GMDS: variants seen among roughly 807,000 people sequenced by gnomAD.
GMDS encodes GDP-mannose 4,6 dehydratase.
Under a neutral mutation model 49.9 loss-of-function variants are expected in GMDS, and 20 were observed. The observed-to-expected ratio is 0.40, with a 90% CI of 0.28 to 0.58. The LOEUF is 0.58. Among genes scored for constraint, GMDS ranks in the 20% least tolerant of loss-of-function variants. The pLI is 0.42. For synonymous variants in GMDS, 177 were observed against 178.6 expected, an observed-to-expected ratio of 0.99 and a Z score of 0.07; for missense variants, 362 against 481.4, an observed-to-expected ratio of 0.75 and a Z score of 2.32.
At chr6:1,802,889 A>G (rs1770006367) in intron 7 of GMDS, among the ~76,000 whole-genome samples, 1 of 152,120 alleles carries the variant, frequency 6.6e-6, no homozygotes, top group Non-Finnish European at 1.5e-5. Flanking sequence ...CAGCTCCTAC[A>G]TTTCTTGTGC....
At chr6:1,896,583 G>A (rs1760203683) in intron 7 of GMDS, among the ~76,000 whole-genome samples, 1 of 152,126 alleles carries the variant, frequency 6.6e-6, no homozygotes, top group Admixed American at 6.5e-5. Context: ...GAGGAGAGGG[G>A]GTGTCAGGTG....
chr6:2,102,748 GAA>G (rs1773997816), intron 4 of GMDS, among the ~76,000 whole-genome samples: 1 of 152,122 alleles, frequency 6.6e-6, no homozygotes, highest in South Asian at 2.1e-4. Context: ...GACCTATAAA[GAA>G]ATGTTTATGT....
chr6:2,100,306 T>C (rs1773848320), intron 4 of GMDS, among the ~76,000 whole-genome samples: 2 of 152,070 alleles, frequency 1.3e-5, no homozygotes, highest in Admixed American at 1.3e-4. Flanking sequence ...AGTGAAATCG[T>C]CATTCCATGT....
intron 7 of GMDS, among the ~76,000 whole-genome samples, chr6:1,924,490 T>C (rs1761892785): frequency 6.6e-6 from 1 of 152,188 alleles, no homozygotes; most frequent in African/African-American, 2.4e-5. Flanking sequence ...GCAAGGGGCC[T>C]TTTTTGTGGG....
chr6:2,145,809 C>G (rs140391579), intron 1 of GMDS, among the ~76,000 whole-genome samples: 59 of 152,270 alleles, frequency 3.9e-4, no homozygotes, highest in African/African-American at 1.3e-3. Context: ...AAGAGGATGC[C>G]TTGGGCCCAG....
chr6:1,839,315 A>G (rs1757056175), intron 7 of GMDS, among the ~76,000 whole-genome samples: 1 of 152,128 alleles, frequency 6.6e-6, no homozygotes, highest in Admixed American at 6.5e-5. Context: ...TAGTATGGTA[A>G]TCTGTAACTG....
intron 4 of GMDS, among the ~76,000 whole-genome samples, chr6:1,979,596 A>T (rs1440816679): frequency 6.6e-6 from 1 of 152,234 alleles, no homozygotes; most frequent in African/African-American, 2.4e-5. Flanking sequence ...ATATGGGGAG[A>T]ATGGAACCAA....
chr6:1,764,589 G>T (rs1447987809), intron 7 of GMDS, among the ~76,000 whole-genome samples: 4 of 152,144 alleles, frequency 2.6e-5, no homozygotes. Context: ...TGTTATAAAT[G>T]ATAATATTAT....
At chr6:1,712,861 G>A (rs1001959181) in intron 9 of GMDS, among the ~76,000 whole-genome samples, 6 of 152,188 alleles carry the variant, frequency 3.9e-5, no homozygotes, top group African/African-American at 1.4e-4. Flanking sequence ...TTCAATAGAG[G>A]TTGTTAGCAG....
intron 4 of GMDS, among the ~76,000 whole-genome samples, chr6:2,097,658 T>C (rs1773686487): frequency 6.6e-6 from 1 of 151,946 alleles, no homozygotes; most frequent in Non-Finnish European, 1.5e-5. Flanking sequence ...TGTCATACTT[T>C]GACAAAGCAA....
intron 4 of GMDS, among the ~76,000 whole-genome samples, chr6:2,025,357 GGTGTGT>G (rs200096039): frequency 0.4 from 54,079 of 136,240 alleles, 10,725 homozygotes; most frequent in East Asian, 0.5. Flanking sequence ...CTGATGGTGG[GGTGTGT>G]GTGTGTGTGT....
chr6:2,150,472 G>A (rs1391849706), intron 1 of GMDS, among the ~76,000 whole-genome samples: 1 of 152,128 alleles, frequency 6.6e-6, no homozygotes, highest in African/African-American at 2.4e-5. Flanking sequence ...CCACTAACAC[G>A]AAACTATCTC....
intron 9 of GMDS, among the ~76,000 whole-genome samples, chr6:1,711,126 G>C (rs1371390770): frequency 6.6e-6 from 1 of 152,198 alleles, no homozygotes; most frequent in African/African-American, 2.4e-5. Flanking sequence ...GGGGGAATCA[G>C]CTTTTATCTA....
intron 4 of GMDS, among the ~76,000 whole-genome samples, chr6:2,066,764 C>T: frequency 6.6e-6 from 1 of 152,072 alleles, no homozygotes; most frequent in Non-Finnish European, 1.5e-5. Context: ...ATTCATAAAG[C>T]AAGTCCTGAG....
intron 9 of GMDS, among the ~76,000 whole-genome samples, chr6:1,689,976 C>T (rs923672258): frequency 2.6e-5 from 4 of 151,888 alleles, no homozygotes; most frequent in African/African-American, 9.7e-5. Context: ...AACTGGGTAC[C>T]CATCTGTAAT....
chr6:1,716,787 G>A (rs1329728406), intron 9 of GMDS, among the ~76,000 whole-genome samples: 2 of 152,014 alleles, frequency 1.3e-5, no homozygotes, highest in Non-Finnish European at 2.9e-5. Context: ...CTTACACCCC[G>A]TCCCCCAACT....
chr6:1,971,009 G>C (rs2127321733), intron 4 of GMDS, among the ~76,000 whole-genome samples: 1 of 152,138 alleles, frequency 6.6e-6, no homozygotes, highest in Non-Finnish European at 1.5e-5. Context: ...TAGGGACTGG[G>C]GGAGTGGGGG....
chr6:2,055,647 C>A (rs1178810355), intron 4 of GMDS, among the ~76,000 whole-genome samples: 19 of 152,078 alleles, frequency 1.2e-4, no homozygotes, highest in Admixed American at 1.2e-3. Flanking sequence ...ATTGGACTCC[C>A]CTTGGTTTAT....
At chr6:1,669,575 C>G (rs1378313079) in intron 9 of GMDS, among the ~76,000 whole-genome samples, 3 of 152,174 alleles carry the variant, frequency 2.0e-5, no homozygotes, top group Non-Finnish European at 4.4e-5. Flanking sequence ...GAGCACTTCA[C>G]CGCAGCTCAG....
Sources: gnomAD v4.1 joint callset for allele counts (sites outside exome capture counted in the v4.1 genomes callset) on GRCh38, gnomAD v4.1.1 for gene constraint, MANE v1.5 for transcripts, NCBI Gene and HGNC (gene_info 2026-07-23, HGNC 2026-07-21) for gene names.